Variants in GCC2 observed in about 807,000 individuals in gnomAD.
The protein encoded by GCC2 is GRIP and coiled-coil domain containing 2.
GCC2 carries 120 observed loss-of-function variants against 210.6 expected under a neutral mutation model. That is an observed-to-expected ratio of 0.57 (90% CI 0.49 to 0.66). The LOEUF is 0.66. Ranked by LOEUF, GCC2 falls within the 30% of genes least tolerant of loss-of-function variation. GCC2 has a pLI of 0.00. For missense variants in GCC2, 1,868 were observed against 1,871.9 expected, an observed-to-expected ratio of 1.00 and a Z score of 0.04; for synonymous variants, 703 against 652.7, an observed-to-expected ratio of 1.08 and a Z score of -1.17.
At chr2:108,484,372 G>T in intron 13 of GCC2, 61 bp downstream of exon 13, 4 of 937,220 alleles carry the variant, frequency 4.3e-6, no homozygotes, top group Non-Finnish European at 6.3e-6. Flanking sequence ...TTGATTTGGT[G>T]GGGGGCATTA....
At chr2:108,449,535 G>T in intron 1 of GCC2, 98 bp from the exon 2 acceptor site, 1 of 1,339,132 alleles carries the variant, frequency 7.5e-7, no homozygotes, top group South Asian at 1.2e-5. Context: ...TCCACCACTT[G>T]ATTCCATAGA....
intron 6 of GCC2, 51 bp downstream of exon 6, chr2:108,472,167 T>A: frequency 8.0e-7 from 1 of 1,243,070 alleles, no homozygotes; most frequent in Non-Finnish European, 1.1e-6. Context: ...AGTTCAACTC[T>A]ACAATATATA....
intron 2 of GCC2, 26 bp downstream of exon 2, chr2:108,449,715 C>T (rs765029505): frequency 1.9e-6 from 3 of 1,596,250 alleles, no homozygotes; most frequent in Admixed American, 1.7e-5. Flanking sequence ...GAATAGCGGG[C>T]TTCCTGAAGA....
In GCC2 at chr2:108,468,977, T is replaced by C. The variant is rs370391514; in HGVS notation, c.217-3T>C. On this transcript the variant is annotated splice_region_variant and splice_polypyrimidine_tract_variant and intron_variant, in intron 4 of 22. Coordinates refer to ENST00000309863, the MANE Select transcript of GCC2 (RefSeq NM_181453.4). ...CAGGCAAATAAATCTTGTTCTAAAA[T>C]AGGCATTAACTGAACGTCTGGATGC... 2 of 1,588,020 alleles carry C rather than the reference T, an allele frequency of 1.3e-6. No homozygotes were observed. The highest frequency in any genetic ancestry group is 2.7e-5 in the African/African-American group (2 of 74,370).
chr2:108,502,440 G>A (rs1023418320), intron 22 of GCC2, among the ~76,000 whole-genome samples: 1 of 152,136 alleles, frequency 6.6e-6, no homozygotes, highest in Non-Finnish European at 1.5e-5. Flanking sequence ...ATACACATTA[G>A]AAACCCAGAA....
At chr2:108,486,373 A>T in intron 15 of GCC2, 138 bp from the exon 16 acceptor site, 1 of 798,084 alleles carries the variant, frequency 1.3e-6, no homozygotes, top group Admixed American at 2.1e-5. Context: ...TTCAATAATA[A>T]TACATAAAAA....
Position 108,466,691 on chromosome 2 carries a change from C to G in GCC2, c.217-2289C>G, listed in dbSNP as rs569773375. 6.6e-5 allele frequency among the ~76,000 whole-genome samples: 10 copies of G among 151,890 alleles called. No homozygotes were observed. In the East Asian group the frequency reaches 1.8e-3, roughly 27 times the overall value. ...GTTTCACTATGTTAGCCAGGATGGTCCCGATCTCCTGACCTCATGATCCAC... is the reference window on the plus strand; with the variant it reads ...GTTTCACTATGTTAGCCAGGATGGTGCCGATCTCCTGACCTCATGATCCAC... On this transcript the variant is annotated intron_variant, in intron 4 of 22. Coordinates refer to ENST00000309863, the MANE Select transcript of GCC2 (RefSeq NM_181453.4).
intron 4 of GCC2, 28 bp from the exon 5 acceptor site, chr2:108,468,952 C>T: frequency 6.9e-7 from 1 of 1,453,378 alleles, no homozygotes; most frequent in Non-Finnish European, 9.7e-7. Context: ...TTTTTAACCC[C>T]AGGCAAATAA....
At chr2:108,461,388 G>A (rs1257611919) in intron 4 of GCC2, among the ~76,000 whole-genome samples, 1 of 151,738 alleles carries the variant, frequency 6.6e-6, no homozygotes, top group Non-Finnish European at 1.5e-5. Context: ...TTTTTGCATT[G>A]TATTTGTTTG....
At chr2:108,499,918 T>C (rs1252456177) in intron 22 of GCC2, among the ~76,000 whole-genome samples, 164 bp downstream of exon 22, 1 of 152,192 alleles carries the variant, frequency 6.6e-6, no homozygotes, top group East Asian at 1.9e-4. Flanking sequence ...CTTTTTAACA[T>C]CTTGAGGCAA....
Position 108,492,586 on chromosome 2 carries a change from C to G in GCC2, c.4243C>G (p.Gln1415Glu). The G allele has an allele frequency of 1.2e-6, 2 of 1,605,740 alleles. No individual in the cohort carries two copies. Among genetic ancestry groups the G allele is most frequent in the Non-Finnish European group, 8.5e-7 (1 of 1,172,382 alleles). ...CTCATCTTTCAGATTGTGTTCAATA[C>G]AGTCAGAGAACATGATGATGAAATC... ...AELREKLCSI[Q>E]SENMMMKSEH... The change falls in exon 19 of 23, where the codon CAG becomes GAG. Residue 1415 changes from glutamine to glutamate, a missense_variant. Physicochemically the swap from Gln to Glu is conservative, Grantham distance 29. Transcript: ENST00000309863.
At chr2:108,498,864 T>A (rs1438334435) in intron 21 of GCC2, among the ~76,000 whole-genome samples, 2 of 151,546 alleles carry the variant, frequency 1.3e-5, no homozygotes, top group African/African-American at 4.8e-5. Flanking sequence ...AGGCTGCCGA[T>A]GTTCCCCTCA....
At chr2:108,487,059 T>C (rs763168718) in intron 16 of GCC2, among the ~76,000 whole-genome samples, 1 of 152,232 alleles carries the variant, frequency 6.6e-6, no homozygotes, top group African/African-American at 2.4e-5. Flanking sequence ...GCAGGTCTTA[T>C]TTAAGCAATC....
In GCC2 at chr2:108,472,853, A is replaced by G; in HGVS notation, c.2814A>G (p.Val938=). 1 of 1,594,722 alleles carries G rather than the reference A, an allele frequency of 6.3e-7. No individual in the cohort carries two copies. The highest frequency in any genetic ancestry group is 1.7e-4 in the Middle Eastern group (1 of 6,024). The change falls in exon 7 of 23, where the codon GTA becomes GTG. Residue 938 remains valine, a synonymous_variant. Coordinates refer to ENST00000309863, the MANE Select transcript of GCC2 (RefSeq NM_181453.4). Reference sequence around the variant, plus strand: ...ATTCCTTAGCAAAATCACCTTCTGTAAAAAATGATCCTCTGTCTTCAGTAA... The same window carrying G: ...ATTCCTTAGCAAAATCACCTTCTGTGAAAAATGATCCTCTGTCTTCAGTAA... ...LKDSLAKSPS[V]KNDPLSSVKE... is the part of the protein sequence containing the mutation.
intron 21 of GCC2, among the ~76,000 whole-genome samples, chr2:108,498,598 T>C (rs1370644159): frequency 1.3e-5 from 2 of 152,230 alleles, no homozygotes; most frequent in Non-Finnish European, 2.9e-5. Context: ...TTCGCTAACT[T>C]TCTTGCCTAA....
chr2:108,504,136 GAAATAA>G (rs1683069457), intron 22 of GCC2, among the ~76,000 whole-genome samples: 1 of 152,048 alleles, frequency 6.6e-6, no homozygotes, highest in African/African-American at 2.4e-5. Context: ...AAAAAATTAA[GAAATAA>G]AAATAATATG....
chr2:108,484,804 T>C (rs1205125158), intron 13 of GCC2: 4 of 150,950 alleles, frequency 2.6e-5, no homozygotes, highest in Non-Finnish European at 5.9e-5. Context: ...ACCAGTACCA[T>C]GCTGTTTTGG....
Position 108,492,627 on chromosome 2 carries a change from T to C in GCC2, c.4284T>C (p.Thr1428=), listed in dbSNP as rs577919832. 3.7e-6 allele frequency: 6 copies of C among 1,613,872 alleles called. No individual in the cohort carries two copies. The highest frequency in any genetic ancestry group is 5.1e-6 in the Non-Finnish European group (6 of 1,179,740). ...NMMMKSEHTQ[T]VSQLTSQNEV... is the part of the protein sequence containing the mutation. ...TGATGAAATCTGAACATACACAGACTGTGAGTCAGCTAACATCCCAGAACG... is the reference window on the plus strand; with the variant it reads ...TGATGAAATCTGAACATACACAGACCGTGAGTCAGCTAACATCCCAGAACG... Residue 1428 remains threonine (T), a synonymous_variant, in exon 19 of 23, where the codon ACT becomes ACC. Coordinates refer to ENST00000309863, the MANE Select transcript of GCC2 (RefSeq NM_181453.4).
rs1683287740 is a variant in GCC2, at chr2:108,507,963, C to G, written c.*333C>G. ...CAGTACTGTGAATTTTGAAGTTAAA[C>G]TAAATTTTGGTACCATACCAACTGG... On this transcript the variant is annotated 3_prime_UTR_variant, in exon 23 of 23. Coordinates refer to ENST00000309863, the MANE Select transcript of GCC2 (RefSeq NM_181453.4). 1.1e-5 allele frequency: 2 copies of G among 184,822 alleles called. No individual in the cohort carries two copies. Among genetic ancestry groups the G allele is most frequent in the Non-Finnish European group, 2.3e-5 (2 of 87,584 alleles). The allele number at this position is 184,822 out of a possible 1,614,324, so 11.4% of individuals were successfully genotyped here.
Sources: allele counts gnomAD v4.1 joint callset (sites outside exome capture counted in the v4.1 genomes callset), GRCh38; gene constraint gnomAD v4.1.1; transcripts MANE v1.5; gene names NCBI Gene and HGNC (gene_info 2026-07-23, HGNC 2026-07-21).